Variants in SCML2 observed in about 807,000 individuals in gnomAD.
The protein encoded by SCML2 is sex comb on midleg-like protein 2.
A neutral mutation model predicts 48.4 loss-of-function variants in SCML2; 6 were observed. The ratio of observed to expected loss-of-function variants is 0.12; its 90% CI spans 0.07 to 0.24. The LOEUF is 0.24. Ranked by LOEUF, SCML2 falls within the 10% of genes least tolerant of loss-of-function variation. SCML2 has a pLI of 1.00. For synonymous variants in SCML2, 181 were observed against 189.5 expected (o/e 0.95, Z 0.37); for missense variants, 377 against 528.2 (o/e 0.71, Z 2.81).
intron 1 of SCML2, 54 bp from the exon 2 acceptor site, chrX:18,334,149 G>T: frequency 1.1e-6 from 1 of 888,004 alleles, no homozygotes; most frequent in Admixed American, 2.7e-5. Context: ...GATTTCTGAA[G>T]GATAAGAAGT....
At chrX:18,315,101 C>CAAA (rs761378739) in intron 6 of SCML2, among the ~76,000 whole-genome samples, 1 of 23,440 alleles carries the variant, frequency 4.3e-5, no homozygotes, top group Non-Finnish European at 8.3e-5. Context: ...TCTGTCTCAC[C>CAAA]AAAAAAAAAA....
intron 7 of SCML2, among the ~76,000 whole-genome samples, chrX:18,288,972 A>C (rs1928146745): frequency 8.9e-6 from 1 of 111,796 alleles, no homozygotes; most frequent in Admixed American, 9.5e-5. Flanking sequence ...TGGACTGTAG[A>C]GACAGTGATC....
At chrX:18,309,479 G>A (rs934467133) in intron 6 of SCML2, among the ~76,000 whole-genome samples, 5 of 111,836 alleles carry the variant, frequency 4.5e-5, no homozygotes, top group East Asian at 2.8e-4. Flanking sequence ...ACATGTTCGC[G>A]TATGTTCATT....
intron 7 of SCML2, among the ~76,000 whole-genome samples, chrX:18,290,872 T>C (rs1325407926): frequency 9.0e-6 from 1 of 111,383 alleles, no homozygotes. Flanking sequence ...TGTCTTGCTC[T>C]TTCATGTATT....
At chrX:18,256,804 T>C in intron 11 of SCML2, 44 bp downstream of exon 11, 1 of 1,016,224 alleles carries the variant, frequency 9.8e-7, no homozygotes, top group Non-Finnish European at 1.3e-6. Flanking sequence ...TTACACAAGA[T>C]TCTCAAGTGA....
intron 7 of SCML2, among the ~76,000 whole-genome samples, chrX:18,300,432 A>G (rs1406917875): frequency 1.8e-5 from 2 of 108,984 alleles, no homozygotes; most frequent in African/African-American, 6.7e-5. Flanking sequence ...TTAGTCAGAA[A>G]AAGATAACAA....
intron 7 of SCML2, among the ~76,000 whole-genome samples, chrX:18,295,339 T>C (rs1928358914): frequency 9.0e-6 from 1 of 110,574 alleles, no homozygotes. Flanking sequence ...CCCGGGAGCT[T>C]GGAGACTGCC....
Position 18,259,672 on chromosome X carries a change from T to C in SCML2, c.1069+499A>G, listed in dbSNP as rs757811014. 9.9e-4 allele frequency among the ~76,000 whole-genome samples: 111 copies of C among 112,053 alleles called. 1 individual carries two copies. The highest frequency in any genetic ancestry group is 1.8e-3 in the Non-Finnish European group (95 of 53,217). ...AAATAATAAACTGAAAAAAATGAGA[T>C]ATGTTACAACAATCATTTTTAAAGT... is the stretch of plus-strand genomic sequence containing the variant. On this transcript the variant is annotated intron_variant, in intron 9 of 14. Transcript: ENST00000251900.
chrX:18,354,697 C>G (rs928133304), upstream of SCML2: 2 of 270,860 alleles, frequency 7.4e-6, no homozygotes, highest in Non-Finnish European at 1.3e-5. Context: ...GCGCGCGGAG[C>G]CGCGCATGCC....
At chrX:18,322,762 C>T (rs937515216) in intron 5 of SCML2, among the ~76,000 whole-genome samples, 2 of 110,208 alleles carry the variant, frequency 1.8e-5, no homozygotes, top group Admixed American at 2.0e-4. Flanking sequence ...GGCGTGGTGG[C>T]GGGCACCTGT....
At chrX:18,271,584 T>C (rs1760537829) in intron 7 of SCML2, among the ~76,000 whole-genome samples, 1 of 110,129 alleles carries the variant, frequency 9.1e-6, no homozygotes, top group African/African-American at 3.3e-5. Context: ...AGCATGTTTA[T>C]AGGGAAAAAT....
Position 18,246,785 on chromosome X carries a change from C to G in SCML2, c.1614G>C (p.Glu538Asp). 8.3e-7 allele frequency: 1 copy of G among 1,207,442 alleles called. No individual in the cohort carries two copies. The highest frequency in any genetic ancestry group is 2.2e-5 in the Admixed American group (1 of 45,867). Residue 538 changes from glutamate (E) to aspartate (D), a missense_variant, in exon 13 of 15, where the codon GAG becomes GAC. This residue lies in a region of SCML2 where 299 missense variants were observed against 425.5 expected (regional missense o/e 0.70). Coordinates refer to ENST00000251900, the MANE Select transcript of SCML2 (RefSeq NM_006089.3). ...FAGGSAIPKE[E>D]NLSEDSKSSS... ...AGCTCTTAGAATCTTCTGAAAGATT[C>G]TCCTCTTTGGGAATGGCACTTCCCC...
intron 11 of SCML2, among the ~76,000 whole-genome samples, chrX:18,252,951 G>A (rs186763486): frequency 2.7e-5 from 3 of 111,988 alleles, no homozygotes; most frequent in African/African-American, 9.7e-5. Flanking sequence ...ATCTCTCACA[G>A]TCTCATGATG....
intron 11 of SCML2, among the ~76,000 whole-genome samples, chrX:18,255,664 A>G (rs1926815189): frequency 1.8e-5 from 2 of 112,287 alleles, no homozygotes; most frequent in South Asian, 7.4e-4. Context: ...TGGATATGAG[A>G]GATGTCACTG....
chrX:18,258,743 A>G (rs1926952889), intron 9 of SCML2, among the ~76,000 whole-genome samples: 1 of 111,245 alleles, frequency 9.0e-6, no homozygotes, highest in East Asian at 2.8e-4. Flanking sequence ...TAAGATATAT[A>G]TAACAAGTTA....
intron 6 of SCML2, among the ~76,000 whole-genome samples, chrX:18,309,196 G>A (rs751582809): frequency 1.3e-5 from 1 of 74,712 alleles, no homozygotes; most frequent in Non-Finnish European, 2.4e-5. Context: ...ATGAGACTCT[G>A]TCTCAAAAAA....
Position 18,257,917 on chromosome X carries a change from CG to C in SCML2, c.1273+126del, listed in dbSNP as rs1197188933. ...AGATGAAGGAAGAAAGAAGAAAGGG[CG>C]GGGGAGGGGGAAGGGGAGGGGAAAG... On this transcript the variant is annotated intron_variant, in intron 10 of 14. Transcript: ENST00000251900. 1.4e-5 allele frequency: 5 copies of C among 349,893 alleles called. No individual in the cohort carries two copies. The African/African-American group carries it at 2.2e-4, about 15-fold the overall frequency. The allele number at this position is 349,893 out of a possible 1,213,427, so 28.8% of individuals were successfully genotyped here.
intron 4 of SCML2, 112 bp from the exon 5 acceptor site, chrX:18,324,205 T>C: frequency 2.0e-6 from 1 of 497,877 alleles, no homozygotes; most frequent in South Asian, 3.3e-5. Context: ...TCACAGTGGA[T>C]GATGAGTGAG....
At chrX:18,345,059 G>C (rs189392784) in intron 1 of SCML2, among the ~76,000 whole-genome samples, 107 of 111,259 alleles carry the variant, frequency 9.6e-4, no homozygotes, top group African/African-American at 3.3e-3. Flanking sequence ...TGTTATTAAT[G>C]TCCATTAATG....
Sources: gnomAD v4.1 joint callset for allele counts (sites outside exome capture counted in the v4.1 genomes callset) on GRCh38, gnomAD v4.1.1 for gene constraint, gnomAD v4.1.1 regional missense constraint, MANE v1.5 for transcripts, NCBI Gene and HGNC (gene_info 2026-07-23, HGNC 2026-07-21) for gene names.